The following WDR72 variants were observed in gnomAD, a reference collection of about 807,000 sequenced individuals.
WDR72 encodes the protein WD repeat-containing protein 72.
Under a neutral mutation model 124.2 loss-of-function variants are expected in WDR72, and 120 were observed. That is an observed-to-expected ratio of 0.97 (90% CI 0.83 to 1.12). WDR72 has a LOEUF of 1.12. Ranked by LOEUF, WDR72 falls within the 50% of genes most tolerant of loss-of-function variation. The probability of loss-of-function intolerance (pLI) is 0.00; values close to 1 mark genes in which losing one functional copy is unlikely to be tolerated. For synonymous variants in WDR72, 452 were observed against 441.7 expected (o/e 1.02, Z -0.29); for missense variants, 1,387 against 1,278.8 (o/e 1.08, Z -1.29).
At position 53,515,417 on chromosome 15, in the gene WDR72, G is replaced by A. The variant is rs910603348; in HGVS notation, c.*2282C>T. ...ATAACAGAAATTACTGAAATATGTG[G>A]AACACCAGTCAATATAAAGAATTCA... is the stretch of plus-strand genomic sequence containing the variant. On this transcript the variant is annotated 3_prime_UTR_variant, in exon 20 of 20. Transcript: ENST00000360509. 1 of 152,104 alleles carries A rather than the reference G, an allele frequency of 6.6e-6. No individual in the cohort carries two copies. Among genetic ancestry groups the A allele is most frequent in the African/African-American group, 2.4e-5 (1 of 41,420 alleles). The allele number at this position is 152,104 out of a possible 1,614,324, so 9.4% of individuals were successfully genotyped here.
intron 13 of WDR72, among the ~76,000 whole-genome samples, chr15:53,689,699 A>T: frequency 6.6e-6 from 1 of 151,508 alleles, no homozygotes; most frequent in Non-Finnish European, 1.5e-5. Context: ...CATTTGACCC[A>T]GCCATCCCAT....
At chr15:53,714,614 G>T in intron 5 of WDR72, 104 bp from the exon 6 acceptor site, 1 of 865,178 alleles carries the variant, frequency 1.2e-6, no homozygotes, top group Non-Finnish European at 1.9e-6. Context: ...TGTGTAGATA[G>T]AAAATTTTCA....
At chr15:53,748,307 T>A (rs2018691221) in intron 1 of WDR72, among the ~76,000 whole-genome samples, 1 of 152,222 alleles carries the variant, frequency 6.6e-6, no homozygotes, top group Non-Finnish European at 1.5e-5. Flanking sequence ...GAAAACTGTT[T>A]GCCTAATATC....
Position 53,733,061 on chromosome 15 carries a change from C to T in WDR72, c.89G>A (p.Arg30Gln), listed in dbSNP as rs372307937. Residue 30 changes from arginine (R) to glutamine (Q), a missense_variant, in exon 2 of 20, where the codon CGA (arginine) becomes CAA (glutamine). By Grantham distance (43) the Arg-to-Gln change is conservative. Coordinates refer to ENST00000360509, the MANE Select transcript of WDR72 (RefSeq NM_182758.4). ...CTCTTGACTTCCAGTCACAATCGTT[C>T]GCTGGTCATCAGTGATCATGATGGC... ...ITAIMITDDQ[R>Q]TIVTGSQEGQ... is the part of the protein sequence containing the mutation. 1.5e-5 allele frequency: 24 copies of T among 1,613,898 alleles called. No homozygotes were observed. Among genetic ancestry groups the T allele is most frequent in the Middle Eastern group, 1.6e-4 (1 of 6,082 alleles).
rs564836823 is a variant in WDR72, at chr15:53,651,185, G to A, written c.1962+14387C>T. On this transcript the variant is annotated intron_variant, in intron 14 of 19. Transcript: ENST00000360509. ...TTTAGGCCTTCTGTTGTAGCTGTTTGCTTTCCTTAGAATATTCTCCCCTCT... is the reference window on the plus strand; with the variant it reads ...TTTAGGCCTTCTGTTGTAGCTGTTTACTTTCCTTAGAATATTCTCCCCTCT... 1.5e-4 allele frequency among the ~76,000 whole-genome samples: 23 copies of A among 152,062 alleles called. No homozygotes were observed. In the South Asian group the frequency reaches 4.6e-3, roughly 30 times the overall value.
intron 18 of WDR72, among the ~76,000 whole-genome samples, chr15:53,573,224 G>A (rs1360036697): frequency 6.6e-6 from 1 of 152,184 alleles, no homozygotes; most frequent in Non-Finnish European, 1.5e-5. Flanking sequence ...GCATGTGGCT[G>A]TGTGTCTATT....
chr15:53,751,069 G>A (rs2140895304), intron 1 of WDR72, among the ~76,000 whole-genome samples: 1 of 152,264 alleles, frequency 6.6e-6, no homozygotes, highest in African/African-American at 2.4e-5. Context: ...AAGTTCTGCT[G>A]TGGGTAAAAG....
intron 13 of WDR72, among the ~76,000 whole-genome samples, chr15:53,675,749 T>A (rs2016150944): frequency 6.6e-6 from 1 of 152,218 alleles, no homozygotes; most frequent in Non-Finnish European, 1.5e-5. Flanking sequence ...ATCAATATCT[T>A]GCTGAGTTGA....
At chr15:53,660,658 C>G (rs1053453218) in intron 14 of WDR72, among the ~76,000 whole-genome samples, 2 of 151,998 alleles carry the variant, frequency 1.3e-5, no homozygotes, top group African/African-American at 4.8e-5. Flanking sequence ...TATTTATAAT[C>G]AATTTTATAT....
chr15:53,723,848 G>A (rs1331538887), intron 2 of WDR72, among the ~76,000 whole-genome samples: 1 of 152,114 alleles, frequency 6.6e-6, no homozygotes, highest in Non-Finnish European at 1.5e-5. Flanking sequence ...GTCAGTACAC[G>A]TTTAGTACAG....
chr15:53,735,700 T>C (rs1055550710), intron 1 of WDR72, among the ~76,000 whole-genome samples: 1 of 151,966 alleles, frequency 6.6e-6, no homozygotes, highest in Non-Finnish European at 1.5e-5. Flanking sequence ...GCAAATAATC[T>C]TACAATAAAA....
At chr15:53,551,413 A>T (rs534816296) in intron 18 of WDR72, among the ~76,000 whole-genome samples, 2 of 152,256 alleles carry the variant, frequency 1.3e-5, no homozygotes, top group Admixed American at 6.5e-5. Context: ...CTTGGAAAGG[A>T]AATTTGATCA....
intron 14 of WDR72, among the ~76,000 whole-genome samples, chr15:53,646,635 A>G (rs1456420561): frequency 1.3e-5 from 2 of 152,172 alleles, no homozygotes; most frequent in African/African-American, 2.4e-5. Context: ...AAAAAGAACC[A>G]CAACCACAAG....
intron 19 of WDR72, among the ~76,000 whole-genome samples, chr15:53,520,591 C>A (rs1314806218): frequency 6.6e-6 from 1 of 152,022 alleles, no homozygotes; most frequent in Admixed American, 6.6e-5. Context: ...CAAATCTCAC[C>A]ACCTAAAAAC....
At chr15:53,603,534 A>G (rs1474017590) in intron 17 of WDR72, among the ~76,000 whole-genome samples, 2 of 152,188 alleles carry the variant, frequency 1.3e-5, no homozygotes, top group Admixed American at 1.3e-4. Context: ...GTAGGAAAAG[A>G]GGAAGTCAAA....
chr15:53,597,401 C>T (rs909443829), intron 17 of WDR72, 127 bp from the exon 18 acceptor site: 3 of 879,600 alleles, frequency 3.4e-6, no homozygotes, highest in Non-Finnish European at 5.2e-6. Flanking sequence ...TTTCATACTT[C>T]TAGAATTAGC....
intron 19 of WDR72, among the ~76,000 whole-genome samples, chr15:53,520,590 C>T (rs984855810): frequency 2.6e-5 from 4 of 152,008 alleles, no homozygotes; most frequent in African/African-American, 9.7e-5. Context: ...CCAAATCTCA[C>T]CACCTAAAAA....
At chr15:53,575,682 A>C (rs1312540911) in intron 18 of WDR72, among the ~76,000 whole-genome samples, 1 of 152,210 alleles carries the variant, frequency 6.6e-6, no homozygotes, top group Non-Finnish European at 1.5e-5. Flanking sequence ...TAGAAAGATT[A>C]GATCATGTGT....
At chr15:53,726,264 G>GTATATA (rs34367324) in intron 2 of WDR72, among the ~76,000 whole-genome samples, 2,618 of 110,268 alleles carry the variant, frequency 0.024, 75 homozygotes, top group Non-Finnish European at 0.032. Flanking sequence ...ATGTATGTGT[G>GTATATA]TATATATATA....
Sources: allele counts gnomAD v4.1 joint callset (sites outside exome capture counted in the v4.1 genomes callset), GRCh38; gene constraint gnomAD v4.1.1; transcripts MANE v1.5; gene names NCBI Gene and HGNC (gene_info 2026-07-23, HGNC 2026-07-21).